Variants in VWA5A observed in about 807,000 individuals in gnomAD.
VWA5A encodes the protein von Willebrand factor A domain containing 5A, also known as von Willebrand factor A domain-containing protein 5A.
VWA5A carries 77 observed loss-of-function variants against 84.6 expected under a neutral mutation model. The ratio of observed to expected loss-of-function variants is 0.91; its 90% CI spans 0.76 to 1.10. The LOEUF is 1.10. Among genes scored for constraint, VWA5A ranks in the 50% least tolerant of loss-of-function variants. The pLI is 0.00. For missense variants in VWA5A, 973 were observed against 963.0 expected, an observed-to-expected ratio of 1.01 and a Z score of -0.14; for synonymous variants, 334 against 350.1, an observed-to-expected ratio of 0.95 and a Z score of 0.51.
At position 124,137,065 on chromosome 11, in the gene VWA5A, T is replaced by C; in HGVS notation, c.1676T>C (p.Met559Thr). 1 of 1,613,528 alleles carries C rather than the reference T, an allele frequency of 6.2e-7. No individual in the cohort carries two copies. Among genetic ancestry groups the C allele is most frequent in the Non-Finnish European group, 8.5e-7 (1 of 1,179,844 alleles). ...AAGTCCTTGCTCCAGACCAAGGACA[T>C]GGGCCTCAGGGAGACTCCAGCAAGT... is the stretch of plus-strand genomic sequence containing the variant. ...AAKSLLQTKDMGLRETPASDK... is the reference protein window; with the variant it reads ...AAKSLLQTKDTGLRETPASDK... Residue 559 changes from methionine (M) to threonine (T), a missense_variant, in exon 15 of 19, where the codon ATG (methionine) becomes ACG (threonine). By Grantham distance (81) the Met-to-Thr change is moderately conservative. Coordinates refer to ENST00000456829, the MANE Select transcript of VWA5A (RefSeq NM_001130142.2).
chr11:124,123,770 A>G lies in VWA5A; in HGVS notation c.1130A>G (p.Tyr377Cys). Residue 377 changes from tyrosine to cysteine, a missense_variant, in exon 10 of 19, where the codon TAC becomes TGC. Physicochemically the swap from Tyr to Cys is radical, Grantham distance 194. Transcript: ENST00000456829. ...TEILAPLQNI[Y>C]RGPSIPGHPL... is the part of the protein sequence containing the mutation. ...ATCTTGGCACCACTCCAGAACATTTACAGGGGACCCTCCATCCCAGGCCAC... is the reference window on the plus strand; with the variant it reads ...ATCTTGGCACCACTCCAGAACATTTGCAGGGGACCCTCCATCCCAGGCCAC... 1 of 1,601,198 alleles carries G rather than the reference A, an allele frequency of 6.2e-7. No homozygotes were observed. Among genetic ancestry groups the G allele is most frequent in the Non-Finnish European group, 8.5e-7 (1 of 1,174,864 alleles).
chr11:124,127,381 G>A (rs1865034494), intron 11 of VWA5A, among the ~76,000 whole-genome samples: 1 of 152,200 alleles, frequency 6.6e-6, no homozygotes, highest in Non-Finnish European at 1.5e-5. Flanking sequence ...ATTCCATGGT[G>A]CATATGTGCC....
intron 15 of VWA5A, among the ~76,000 whole-genome samples, chr11:124,141,291 A>G (rs1459704483): frequency 6.6e-6 from 1 of 152,148 alleles, no homozygotes; most frequent in East Asian, 1.9e-4. Flanking sequence ...ATGGAGGGAG[A>G]ATAGTTTTTT....
In VWA5A at chr11:124,146,788, A is replaced by C. The variant is rs2137672843; in HGVS notation, c.*843A>C. 6.6e-6 allele frequency: 1 copy of C among 152,618 alleles called. No homozygotes were observed. The allele number at this position is 152,618 out of a possible 1,614,324, so 9.5% of individuals were successfully genotyped here. ...CATTAGGAAGAAAGGAGCTCCCCGT[A>C]ATCGTTCCTGACCCTTGTGTCTCAT... On this transcript the variant is annotated 3_prime_UTR_variant, in exon 19 of 19. Transcript: ENST00000456829.
chr11:124,126,344 G>A (rs1865018303), intron 11 of VWA5A, among the ~76,000 whole-genome samples: 1 of 152,146 alleles, frequency 6.6e-6, no homozygotes, highest in Non-Finnish European at 1.5e-5. Flanking sequence ...TTACTATATT[G>A]AGCATTCCAG....
chr11:124,135,532 T>TTTTTTC (rs1865164176), intron 12 of VWA5A, among the ~76,000 whole-genome samples: 6 of 139,018 alleles, frequency 4.3e-5, no homozygotes, highest in Admixed American at 4.2e-4. Context: ...CTTTTTTTTT[T>TTTTTTC]TTTTTTTTTT....
intron 11 of VWA5A, among the ~76,000 whole-genome samples, chr11:124,133,009 A>C (rs1168260893): frequency 6.6e-6 from 1 of 152,210 alleles, no homozygotes; most frequent in Non-Finnish European, 1.5e-5. Flanking sequence ...ATAATTCACA[A>C]GTACAGTGCC....
chr11:124,136,619 G>T lies in VWA5A; in HGVS notation c.1570G>T (p.Gly524Cys), dbSNP rs765337016. 2 of 1,613,950 alleles carry T rather than the reference G, an allele frequency of 1.2e-6. No individual in the cohort carries two copies. Among genetic ancestry groups the T allele is most frequent in the Non-Finnish European group, 1.7e-6 (2 of 1,179,994 alleles). The change falls in exon 14 of 19, where the codon GGC (glycine) becomes TGC (cysteine). Residue 524 changes from glycine (G) to cysteine (C), a missense_variant. Coordinates refer to ENST00000456829, the MANE Select transcript of VWA5A (RefSeq NM_001130142.2). ...AGTATGCCTCAAATATACACTCCAG[G>T]GCAAGACTTTTGAGGATAAGGTGAC... ...GEVCLKYTLQ[G>C]KTFEDKVTFP...
intron 7 of VWA5A, 37 bp downstream of exon 7, chr11:124,119,126 G>A (rs1285645672): frequency 1.3e-6 from 2 of 1,556,354 alleles, no homozygotes; most frequent in East Asian, 2.3e-5. Flanking sequence ...TCCCCTAAGG[G>A]GCAACTCCCT....
intron 17 of VWA5A, among the ~76,000 whole-genome samples, chr11:124,144,165 T>C (rs7117075): frequency 0.13 from 19,705 of 151,786 alleles, 1,335 homozygotes; most frequent in African/African-American, 0.18. Flanking sequence ...CTCTGAACAA[T>C]GAGTTGCAAC....
intron 14 of VWA5A, 87 bp from the exon 15 acceptor site, chr11:124,136,928 T>C: frequency 9.3e-6 from 14 of 1,511,968 alleles, no homozygotes; most frequent in Non-Finnish European, 1.2e-5. Context: ...ATCTTAACTC[T>C]TCTATTCCTA....
Position 124,137,200 on chromosome 11 carries a change from C to T in VWA5A, c.1811C>T (p.Ala604Val), listed in dbSNP as rs764789892. ...ELNKPVQGPL[A>V]HRDVPRPILL... ...AACAAGCCGGTTCAGGGGCCTCTGG[C>T]TCATAGGGACGTCCCAAGGCCAATT... Residue 604 changes from alanine (A) to valine (V), a missense_variant, in exon 15 of 19, where the codon GCT (alanine) becomes GTT (valine). Ala to Val is a moderately conservative substitution (Grantham distance 64). Transcript: ENST00000456829. 1.9e-6 allele frequency: 3 copies of T among 1,614,128 alleles called. No homozygotes were observed. In the East Asian group the frequency reaches 6.7e-5, roughly 36 times the overall value.
chr11:124,136,215 A>G lies in VWA5A; in HGVS notation c.1446A>G (p.Lys482=). The G allele has an allele frequency of 6.2e-7, 1 of 1,614,186 alleles. No individual in the cohort carries two copies. Among genetic ancestry groups the G allele is most frequent in the Non-Finnish European group, 8.5e-7 (1 of 1,180,044 alleles). ...SWHLPPGLSA[K]MLSPEQTVIF... is the part of the protein sequence containing the mutation. ...ATTTGCCTCCTGGTCTGTCTGCTAA[A>G]ATGCTTTCCCCAGAACAGACTGTCA... Residue 482 remains lysine (K), a synonymous_variant, in exon 13 of 19, where the codon AAA becomes AAG. Coordinates refer to ENST00000456829, the MANE Select transcript of VWA5A (RefSeq NM_001130142.2).
chr11:124,125,395 G>A (rs796983392), intron 11 of VWA5A, among the ~76,000 whole-genome samples: 9 of 151,232 alleles, frequency 6.0e-5, no homozygotes, highest in East Asian at 3.9e-4. Context: ...CCATTCTCCC[G>A]CCTCAGCCTC....
chr11:124,117,517 G>A lies in VWA5A; in HGVS notation c.6G>A (p.Val2=), dbSNP rs567384377. The A allele has an allele frequency of 6.2e-7, 1 of 1,614,186 alleles. No individual in the cohort carries two copies. Among genetic ancestry groups the A allele is most frequent in the Admixed American group, 1.7e-5 (1 of 60,028 alleles). The change falls in exon 3 of 19, where the codon GTG becomes GTA. Residue 2 remains valine, a synonymous_variant. Coordinates refer to ENST00000456829, the MANE Select transcript of VWA5A (RefSeq NM_001130142.2). The part of the protein sequence containing the change: M[V]HFCGLLTLHR... ...TGCAGAAATCTTGCATCACCATGGT[G>A]CACTTCTGTGGCCTACTCACCCTCC...
chr11:124,137,249 G>A lies in VWA5A; in HGVS notation c.1860G>A (p.Leu620=). Residue 620 remains leucine, a synonymous_variant, in exon 15 of 19, where the codon TTG becomes TTA. Coordinates refer to ENST00000456829, the MANE Select transcript of VWA5A (RefSeq NM_001130142.2). ...RPILLGASAP[L]KIKCQSGFRK... ...TTCTGTTGGGTGCTTCTGCCCCATT[G>A]AAGATAAAATGCCAATCAGGTAATG... 1 of 1,614,002 alleles carries A rather than the reference G, an allele frequency of 6.2e-7. No homozygotes were observed. The highest frequency in any genetic ancestry group is 8.5e-7 in the Non-Finnish European group (1 of 1,179,998).
intron 11 of VWA5A, among the ~76,000 whole-genome samples, chr11:124,130,937 C>G (rs1020475233): frequency 1.3e-5 from 2 of 152,048 alleles, no homozygotes; most frequent in Non-Finnish European, 1.5e-5. Flanking sequence ...ACTTATGCCC[C>G]TGCTTCAAAG....
intron 14 of VWA5A, 70 bp downstream of exon 14, chr11:124,136,744 C>A: frequency 8.1e-7 from 1 of 1,228,982 alleles, no homozygotes; most frequent in Non-Finnish European, 1.1e-6. Context: ...TTCCTTCCTT[C>A]CTTCATTCCC....
chr11:124,120,981 A>G (rs915371851), intron 7 of VWA5A, among the ~76,000 whole-genome samples: 3 of 152,174 alleles, frequency 2.0e-5, no homozygotes, highest in African/African-American at 7.2e-5. Context: ...GACAGTCTTT[A>G]CAGTCTTGTG....
Sources: allele counts gnomAD v4.1 joint callset (sites outside exome capture counted in the v4.1 genomes callset), GRCh38; gene constraint gnomAD v4.1.1; transcripts MANE v1.5; gene names NCBI Gene and HGNC (gene_info 2026-07-23, HGNC 2026-07-21).